The following RALGPS2 variants were observed in gnomAD, a reference collection of about 807,000 sequenced individuals.
The protein encoded by RALGPS2 is Ral GEF with PH domain and SH3 binding motif 2.
RALGPS2 carries 43 observed loss-of-function variants against 86.8 expected under a neutral mutation model. The ratio of observed to expected loss-of-function variants is 0.50; its 90% CI spans 0.39 to 0.64. The LOEUF (loss-of-function observed/expected upper bound fraction) is 0.64. Among genes scored for constraint, RALGPS2 ranks in the 30% least tolerant of loss-of-function variants. The pLI is 0.00. For synonymous variants in RALGPS2, 243 were observed against 231.3 expected (o/e 1.05, Z -0.46); for missense variants, 536 against 694.6 (o/e 0.77, Z 2.57).
intron 4 of RALGPS2, among the ~76,000 whole-genome samples, chr1:178,788,667 G>A (rs1572333360): frequency 6.6e-6 from 1 of 152,274 alleles, no homozygotes; most frequent in Admixed American, 6.5e-5. Context: ...TAGAAGATGA[G>A]AGGTAGGGTG....
chr1:178,853,098 G>A (rs949373380), intron 8 of RALGPS2: 30 of 1,415,694 alleles, frequency 2.1e-5, no homozygotes, highest in Admixed American at 2.0e-4. Context: ...GGTCACTTGC[G>A]TTTTATAAGC....
rs116265069 is a variant in RALGPS2 at position 178,880,481 on chromosome 1, A to G, written c.836+1489A>G. Among the ~76,000 whole-genome samples the G allele has an allele frequency of 3.3e-3, 500 of 152,334 alleles. 5 individuals carry two copies. Among genetic ancestry groups the G allele is most frequent in the African/African-American group, 0.011 (443 of 41,580 alleles). ...ACTTACTTGAAAATGTATGAAGTCA[A>G]TGAAGAAGCTTTTTAAGACTGGAGT... is the stretch of plus-strand genomic sequence containing the variant. On this transcript the variant is annotated intron_variant, in intron 10 of 19. Transcript: ENST00000367635.
At chr1:178,851,342 A>G in intron 8 of RALGPS2, 1 of 1,585,164 alleles carries the variant, frequency 6.3e-7, no homozygotes, top group Non-Finnish European at 8.6e-7. Context: ...ACAGATATAA[A>G]TGTAAAAGTT....
intron 8 of RALGPS2, among the ~76,000 whole-genome samples, chr1:178,838,684 G>A (rs1656413067): frequency 6.6e-6 from 1 of 152,236 alleles, no homozygotes; most frequent in Non-Finnish European, 1.5e-5. Context: ...GACGAGTTGA[G>A]AGAAGAAGGC....
At chr1:178,889,257 G>A (rs995516288) in intron 13 of RALGPS2, among the ~76,000 whole-genome samples, 3 of 151,916 alleles carry the variant, frequency 2.0e-5, no homozygotes, top group African/African-American at 4.8e-5. Flanking sequence ...AAAGAGAAAG[G>A]AGTATGCCAT....
At chr1:178,826,756 G>A (rs531576930) in intron 7 of RALGPS2, among the ~76,000 whole-genome samples, 22 of 152,130 alleles carry the variant, frequency 1.4e-4, no homozygotes, top group Non-Finnish European at 2.4e-4. Context: ...TACAAAATTG[G>A]TTATATTTGA....
At chr1:178,852,902 A>T in intron 8 of RALGPS2, 1 of 1,613,806 alleles carries the variant, frequency 6.2e-7, no homozygotes, top group Non-Finnish European at 8.5e-7. Context: ...CTAAGCATAT[A>T]GATATTTTCC....
chr1:178,745,243 G>A (rs879825277), intron 1 of RALGPS2, among the ~76,000 whole-genome samples: 3 of 151,788 alleles, frequency 2.0e-5, no homozygotes, highest in South Asian at 2.1e-4. Flanking sequence ...CTTTTTTGGC[G>A]GTGGGGTGGG....
At chr1:178,862,630 T>TGG (rs1658113566) in intron 8 of RALGPS2, among the ~76,000 whole-genome samples, 2 of 145,478 alleles carry the variant, frequency 1.4e-5, no homozygotes, top group Admixed American at 6.9e-5. Flanking sequence ...TATTTATTTA[T>TGG]TTGGTTGGTT....
intron 8 of RALGPS2, among the ~76,000 whole-genome samples, chr1:178,859,834 A>T (rs1230866492): frequency 2.6e-4 from 1 of 3,844 alleles, no homozygotes; most frequent in Non-Finnish European, 6.3e-4. Context: ...CCCCCCCCCC[A>T]ACCGCCCAAG....
intron 18 of RALGPS2, among the ~76,000 whole-genome samples, chr1:178,906,170 C>T (rs889400412): frequency 1.1e-4 from 17 of 152,168 alleles, no homozygotes; most frequent in Admixed American, 6.5e-4. Flanking sequence ...GTCAGGAGTT[C>T]GAGACCAGCC....
At chr1:178,778,825 A>G (rs888011408) in intron 2 of RALGPS2, among the ~76,000 whole-genome samples, 1 of 152,022 alleles carries the variant, frequency 6.6e-6, no homozygotes, top group African/African-American at 2.4e-5. Context: ...ATTCTCACTC[A>G]TAGGTGGGAA....
intron 17 of RALGPS2, among the ~76,000 whole-genome samples, chr1:178,898,556 G>A (rs1238457840): frequency 2.0e-5 from 3 of 151,906 alleles, no homozygotes; most frequent in Non-Finnish European, 4.4e-5. Flanking sequence ...GGGAAGTACC[G>A]TAAGATAGCA....
intron 1 of RALGPS2, chr1:178,746,771 G>A: frequency 1.2e-6 from 1 of 843,112 alleles, no homozygotes; most frequent in East Asian, 2.4e-5. Flanking sequence ...AGCTGTGGTG[G>A]CCTTTCTGTC....
intron 4 of RALGPS2, among the ~76,000 whole-genome samples, chr1:178,797,708 G>C (rs1364791671): frequency 6.6e-6 from 1 of 151,990 alleles, no homozygotes; most frequent in Non-Finnish European, 1.5e-5. Context: ...TATAATACGT[G>C]TCTGTATAAA....
At chr1:178,749,964 AGC>A (rs1207531554) in intron 1 of RALGPS2, among the ~76,000 whole-genome samples, 9 of 152,014 alleles carry the variant, frequency 5.9e-5, no homozygotes, top group Non-Finnish European at 4.4e-5. Flanking sequence ...CACACAAATT[AGC>A]CAGGCATGGT....
intron 8 of RALGPS2, among the ~76,000 whole-genome samples, chr1:178,874,513 C>A (rs1050903421): frequency 6.6e-6 from 1 of 152,072 alleles, no homozygotes; most frequent in Admixed American, 6.6e-5. Flanking sequence ...ACATTAGTAC[C>A]CCGCTCAAAT....
chr1:178,837,762 G>T (rs1222289133), intron 8 of RALGPS2, among the ~76,000 whole-genome samples: 1 of 152,158 alleles, frequency 6.6e-6, no homozygotes, highest in Non-Finnish European at 1.5e-5. Flanking sequence ...AGGGGTCAGG[G>T]CATTCCCTTT....
chr1:178,779,335 A>T (rs1430340198), intron 2 of RALGPS2, among the ~76,000 whole-genome samples: 1 of 152,110 alleles, frequency 6.6e-6, no homozygotes, highest in East Asian at 1.9e-4. Flanking sequence ...TAACTTTAGC[A>T]TCTGGCTTCT....
Sources: gnomAD v4.1 joint callset for allele counts (sites outside exome capture counted in the v4.1 genomes callset) on GRCh38, gnomAD v4.1.1 for gene constraint, MANE v1.5 for transcripts, NCBI Gene and HGNC (gene_info 2026-07-23, HGNC 2026-07-21) for gene names.